The following ADARB2 variants were observed in gnomAD, a reference collection of about 807,000 sequenced individuals.
The protein encoded by ADARB2 is inactive double-stranded RNA-specific editase B2.
A neutral mutation model predicts 62.2 loss-of-function variants in ADARB2; 25 were observed. That is an observed-to-expected ratio of 0.40 (90% confidence interval 0.29 to 0.56). The LOEUF (loss-of-function observed/expected upper bound fraction) is 0.56. ADARB2 is among the 20% of genes least tolerant of loss of function. The pLI is 0.43. For synonymous variants in ADARB2, 572 were observed against 500.8 expected (o/e 1.14, Z -1.90); for missense variants, 1,071 against 1,077.4 (o/e 0.99, Z 0.08).
chr10:1,259,929 A>G (rs556301394), intron 4 of ADARB2, among the ~76,000 whole-genome samples: 5 of 152,322 alleles, frequency 3.3e-5, no homozygotes, highest in Admixed American at 6.5e-5. Flanking sequence ...GAATCCAGCA[A>G]CACATCAAAA....
chr10:1,460,551 T>C (rs1424900643), intron 1 of ADARB2, among the ~76,000 whole-genome samples: 1 of 90,404 alleles, frequency 1.1e-5, no homozygotes, highest in Non-Finnish European at 2.2e-5. Context: ...TGAGTTTACC[T>C]GCGTAACGAA....
At chr10:1,283,584 C>T (rs1377161217) in intron 3 of ADARB2, among the ~76,000 whole-genome samples, 1 of 151,968 alleles carries the variant, frequency 6.6e-6, no homozygotes, top group Non-Finnish European at 1.5e-5. Context: ...CTTCTGTAGA[C>T]AGCCTATATG....
intron 1 of ADARB2, among the ~76,000 whole-genome samples, chr10:1,697,152 C>T (rs184406763): frequency 3.0e-4 from 45 of 152,134 alleles, no homozygotes; most frequent in Admixed American, 3.9e-4. Context: ...GGGGGCTGCT[C>T]GGGCCTCTGT....
At chr10:1,658,677 G>A (rs1291620340) in intron 1 of ADARB2, among the ~76,000 whole-genome samples, 2 of 152,212 alleles carry the variant, frequency 1.3e-5, no homozygotes. Context: ...TGCATCAGGA[G>A]GTCTCCTTGG....
chr10:1,645,014 GT>G (rs1834021882), intron 1 of ADARB2, among the ~76,000 whole-genome samples: 1 of 152,208 alleles, frequency 6.6e-6, no homozygotes, highest in Admixed American at 6.5e-5. Flanking sequence ...GCTAAGGAGG[GT>G]GTTTATGTGG....
chr10:1,486,116 G>T (rs1046136215), intron 1 of ADARB2, among the ~76,000 whole-genome samples: 1 of 152,064 alleles, frequency 6.6e-6, no homozygotes, highest in African/African-American at 2.4e-5. Flanking sequence ...TTTGAGTTTT[G>T]TGGTTGGGCC....
intron 1 of ADARB2, among the ~76,000 whole-genome samples, chr10:1,559,510 G>A (rs961674897): frequency 1.6e-4 from 24 of 152,160 alleles, no homozygotes; most frequent in African/African-American, 5.6e-4. Context: ...TCAAAGGACA[G>A]ATGCCCTCTG....
intron 1 of ADARB2, among the ~76,000 whole-genome samples, chr10:1,562,644 CT>C (rs1409591955): frequency 6.6e-6 from 1 of 152,250 alleles, no homozygotes; most frequent in Non-Finnish European, 1.5e-5. Context: ...TGACACCCCC[CT>C]GGTTGGAATA....
chr10:1,210,568 C>T (rs759694972), intron 7 of ADARB2, among the ~76,000 whole-genome samples: 3 of 152,242 alleles, frequency 2.0e-5, no homozygotes, highest in South Asian at 2.1e-4. Flanking sequence ...TCCATAAAGT[C>T]GTCTGCGTGG....
intron 6 of ADARB2, among the ~76,000 whole-genome samples, chr10:1,223,278 CTT>C (rs1830712592): frequency 6.6e-6 from 1 of 152,278 alleles, no homozygotes; most frequent in East Asian, 1.9e-4. Flanking sequence ...TATCCTGAGA[CTT>C]TGCTGAAGTT....
At chr10:1,421,900 G>C (rs553610227) in intron 1 of ADARB2, among the ~76,000 whole-genome samples, 1 of 152,348 alleles carries the variant, frequency 6.6e-6, no homozygotes, top group South Asian at 2.1e-4. Context: ...TGCTGAGGAA[G>C]AGCTATGTAC....
At chr10:1,355,290 T>G (rs1832184374) in intron 3 of ADARB2, among the ~76,000 whole-genome samples, 2 of 152,174 alleles carry the variant, frequency 1.3e-5, no homozygotes, top group Admixed American at 1.3e-4. Flanking sequence ...CTAAAGCCCT[T>G]GGGGGCTGGG....
intron 1 of ADARB2, among the ~76,000 whole-genome samples, chr10:1,441,795 T>C (rs954301900): frequency 2.0e-5 from 3 of 152,222 alleles, no homozygotes; most frequent in Non-Finnish European, 2.9e-5. Flanking sequence ...GATATTCATC[T>C]CTGTATTTTA....
At chr10:1,719,380 A>T (rs185893539) in intron 1 of ADARB2, among the ~76,000 whole-genome samples, 1 of 152,374 alleles carries the variant, frequency 6.6e-6, no homozygotes, top group African/African-American at 2.4e-5. Context: ...CATGAAGTGC[A>T]ACATTTCAAA....
rs538540787 is a variant in ADARB2 at position 1,390,869 on chromosome 10, G to T, written c.101-11709C>A. ...CTGGGATCAGAACTGTGAGCCTCAG[G>T]CCTGAAGGAAATAATGTATACAGTG... is the stretch of plus-strand genomic sequence containing the variant. On this transcript the variant is annotated intron_variant, in intron 1 of 9. Transcript: ENST00000381312. Among the ~76,000 whole-genome samples the T allele has an allele frequency of 1.1e-4, 17 of 152,322 alleles. No homozygotes were observed. The South Asian group carries it at 2.9e-3, about 26-fold the overall frequency.
chr10:1,326,649 C>A (rs994939280), intron 3 of ADARB2, among the ~76,000 whole-genome samples: 2 of 148,554 alleles, frequency 1.3e-5, no homozygotes, highest in Non-Finnish European at 1.5e-5. Context: ...AAACAGGAAG[C>A]ACAAGAATGT....
At chr10:1,481,804 C>A (rs987463876) in intron 1 of ADARB2, among the ~76,000 whole-genome samples, 10 of 148,474 alleles carry the variant, frequency 6.7e-5, no homozygotes, top group African/African-American at 2.2e-4. Flanking sequence ...TTGCAGTGAG[C>A]TGAGATTGTG....
intron 4 of ADARB2, among the ~76,000 whole-genome samples, chr10:1,257,604 G>A (rs1008176635): frequency 1.3e-5 from 2 of 152,226 alleles, no homozygotes; most frequent in South Asian, 4.1e-4. Flanking sequence ...AAAGTCCAAC[G>A]GAGCAGCAGA....
intron 1 of ADARB2, among the ~76,000 whole-genome samples, chr10:1,561,600 G>A (rs1588303431): frequency 6.6e-6 from 1 of 152,206 alleles, no homozygotes; most frequent in East Asian, 1.9e-4. Flanking sequence ...CAGATTTGGG[G>A]GAGTTGCCGG....
Sources: gnomAD v4.1 joint callset for allele counts (sites outside exome capture counted in the v4.1 genomes callset) on GRCh38, gnomAD v4.1.1 for gene constraint, MANE v1.5 for transcripts, NCBI Gene and HGNC (gene_info 2026-07-23, HGNC 2026-07-21) for gene names.